Variants in SLC30A8 observed in about 807,000 individuals in gnomAD.
SLC30A8 encodes proton-coupled zinc antiporter SLC30A8.
A neutral mutation model predicts 36.9 loss-of-function variants in SLC30A8; 27 were observed. The ratio of observed to expected loss-of-function variants is 0.73; its 90% confidence interval spans 0.54 to 1.01. The LOEUF (loss-of-function observed/expected upper bound fraction) is 1.01. Among genes scored for constraint, SLC30A8 ranks in the 50% least tolerant of loss-of-function variants. SLC30A8 has a pLI of 0.00. For missense variants in SLC30A8, 439 were observed against 452.0 expected (o/e 0.97, Z 0.26); for synonymous variants, 164 against 172.4 (o/e 0.95, Z 0.38).
chr8:117,049,556 C>G (rs1369596211), intron 2 of SLC30A8, among the ~76,000 whole-genome samples: 1 of 152,170 alleles, frequency 6.6e-6, no homozygotes, highest in South Asian at 2.1e-4. Context: ...TTTCAGAGCC[C>G]TCAGGAATAC....
chr8:117,073,579 C>T (rs1006793929), intron 2 of SLC30A8, among the ~76,000 whole-genome samples: 9 of 152,282 alleles, frequency 5.9e-5, no homozygotes, highest in Middle Eastern at 3.4e-3. Flanking sequence ...TTCTACTCTA[C>T]AAATAGTTCT....
intron 2 of SLC30A8, among the ~76,000 whole-genome samples, chr8:117,096,085 T>C (rs978779954): frequency 1.3e-5 from 2 of 152,168 alleles, no homozygotes; most frequent in Non-Finnish European, 2.9e-5. Flanking sequence ...GTGGCCGTAG[T>C]TCTGGCCAGG....
At chr8:117,001,107 G>A (rs932207418) in intron 1 of SLC30A8, among the ~76,000 whole-genome samples, 1 of 151,468 alleles carries the variant, frequency 6.6e-6, no homozygotes, top group East Asian at 1.9e-4. Flanking sequence ...AACCCAATCA[G>A]CTGGTTCTCC....
intron 2 of SLC30A8, among the ~76,000 whole-genome samples, chr8:117,080,334 T>A (rs916424515): frequency 6.6e-6 from 1 of 152,168 alleles, no homozygotes; most frequent in African/African-American, 2.4e-5. Flanking sequence ...TTTTTCTTTT[T>A]CAATTTTTAT....
At chr8:117,039,814 A>G (rs1470333154) in intron 2 of SLC30A8, among the ~76,000 whole-genome samples, 2 of 152,192 alleles carry the variant, frequency 1.3e-5, no homozygotes, top group African/African-American at 4.8e-5. Context: ...AAGTAGATAC[A>G]TTTATTTAAC....
chr8:116,994,534 T>TA (rs1264085760), intron 1 of SLC30A8, among the ~76,000 whole-genome samples: 8 of 152,086 alleles, frequency 5.3e-5, no homozygotes, highest in African/African-American at 1.9e-4. Flanking sequence ...GAAGACAACA[T>TA]ACAGTTCTGT....
chr8:117,150,316 G>A (rs1000382059), intron 2 of SLC30A8, among the ~76,000 whole-genome samples: 2 of 152,180 alleles, frequency 1.3e-5, no homozygotes, highest in South Asian at 2.1e-4. Flanking sequence ...TTTCATTGCT[G>A]TCAGTAAGTC....
intron 1 of SLC30A8, among the ~76,000 whole-genome samples, chr8:116,963,748 G>A (rs774490050): frequency 2.0e-5 from 3 of 152,172 alleles, no homozygotes; most frequent in Non-Finnish European, 4.4e-5. Context: ...TTGAACACCT[G>A]TTTTCATTGC....
At chr8:116,993,744 A>G (rs1815724807) in intron 1 of SLC30A8, among the ~76,000 whole-genome samples, 1 of 152,010 alleles carries the variant, frequency 6.6e-6, no homozygotes, top group Admixed American at 6.6e-5. Context: ...AACTTACTGG[A>G]TATGATAGAA....
chr8:117,082,815 C>A (rs1818720039), intron 2 of SLC30A8, among the ~76,000 whole-genome samples: 1 of 152,076 alleles, frequency 6.6e-6, no homozygotes, highest in African/African-American at 2.4e-5. Context: ...GAAAAAAAAG[C>A]ACTAGGAAGT....
rs1816907235 is a variant in SLC30A8 at position 117,027,311 on chromosome 8, T to TA, written c.-265-11908_-265-11907insA. On this transcript the variant is annotated intron_variant, in intron 1 of 10. Coordinates refer to the SLC30A8 transcript ENST00000427715. The stretch of plus-strand genomic sequence containing the variant: ...CTCATGAGGCTACATTAGCCTGTTT[T>TA]GTCAGGTTCTTCCAAGTGAAACTCT... Among the ~76,000 whole-genome samples the TA allele has an allele frequency of 2.6e-5, 4 of 152,174 alleles. No individual in the cohort carries two copies. In the South Asian group the frequency reaches 8.3e-4, roughly 31 times the overall value.
intron 2 of SLC30A8, among the ~76,000 whole-genome samples, chr8:117,060,185 T>G (rs1161351220): frequency 6.6e-6 from 1 of 152,122 alleles, no homozygotes; most frequent in Non-Finnish European, 1.5e-5. Context: ...TATTATTTAT[T>G]TTTATTTATA....
At position 117,135,264 on chromosome 8, in the gene SLC30A8, T is replaced by C. The variant is rs1370825715; in HGVS notation, c.-64T>C. On this transcript the variant is annotated 5_prime_UTR_variant, in exon 1 of 8. Transcript: ENST00000456015. The stretch of plus-strand genomic sequence containing the variant: ...ATAAATAATTGCAGTGCTGCTTTGC[T>C]TCCAAAACTGGGCAGTGAGTTCAAC... The C allele has an allele frequency of 4.8e-6, 6 of 1,256,180 alleles. No individual in the cohort carries two copies. The East Asian group carries it at 1.5e-4, about 30-fold the overall frequency. The allele number at this position is 1,256,180 out of a possible 1,614,324, so 77.8% of individuals were successfully genotyped here.
intron 1 of SLC30A8, among the ~76,000 whole-genome samples, chr8:116,966,416 A>G (rs945993028): frequency 7.2e-5 from 11 of 152,090 alleles, no homozygotes; most frequent in African/African-American, 1.9e-4. Flanking sequence ...TTAACTGAGA[A>G]TTGGAGTTTC....
At chr8:117,043,638 T>C (rs923044841) in intron 2 of SLC30A8, among the ~76,000 whole-genome samples, 13 of 152,314 alleles carry the variant, frequency 8.5e-5, no homozygotes, top group African/African-American at 3.1e-4. Flanking sequence ...TTTTCCCCCA[T>C]AGAAAAATAT....
At chr8:117,163,595 A>G (rs988471666) in intron 6 of SLC30A8, 65 bp downstream of exon 6, 34 of 1,232,910 alleles carry the variant, frequency 2.8e-5, no homozygotes, top group Admixed American at 4.1e-5. Context: ...CACAAAAGGG[A>G]ATGGCTACAA....
chr8:117,114,536 G>A (rs766084284), intron 2 of SLC30A8, among the ~76,000 whole-genome samples: 20 of 152,140 alleles, frequency 1.3e-4, no homozygotes, highest in Non-Finnish European at 1.8e-4. Flanking sequence ...GCTGACCCCC[G>A]TCAGCTTTAA....
intron 2 of SLC30A8, among the ~76,000 whole-genome samples, chr8:117,043,381 G>T (rs1351476144): frequency 6.6e-6 from 1 of 152,216 alleles, no homozygotes; most frequent in Non-Finnish European, 1.5e-5. Context: ...GAGTGGGTTT[G>T]TGAGGATGAG....
chr8:117,020,430 T>A (rs1196693345), intron 1 of SLC30A8, among the ~76,000 whole-genome samples: 1 of 152,182 alleles, frequency 6.6e-6, no homozygotes, highest in African/African-American at 2.4e-5. Flanking sequence ...TTGGTGAAAA[T>A]GTGAATTATT....
Sources: gnomAD v4.1 joint callset for allele counts (sites outside exome capture counted in the v4.1 genomes callset) on GRCh38, gnomAD v4.1.1 for gene constraint, MANE v1.5 for transcripts, NCBI Gene and HGNC (gene_info 2026-07-23, HGNC 2026-07-21) for gene names.